The following RAPGEF6 variants were observed in gnomAD, a reference collection of about 807,000 sequenced individuals.
RAPGEF6 encodes the protein Rap guanine nucleotide exchange factor 6.
Under a neutral mutation model 171.4 loss-of-function variants are expected in RAPGEF6, and 56 were observed. That is an observed-to-expected ratio of 0.33 (90% CI 0.26 to 0.41). RAPGEF6 has a LOEUF of 0.41. Ranked by LOEUF, RAPGEF6 falls within the 10% of genes least tolerant of loss-of-function variation. The pLI is 1.00. For synonymous variants in RAPGEF6, 692 were observed against 650.1 expected, an observed-to-expected ratio of 1.06 and a Z score of -0.98; for missense variants, 1,674 against 1,921.4, an observed-to-expected ratio of 0.87 and a Z score of 2.41.
intron 5 of RAPGEF6, among the ~76,000 whole-genome samples, chr5:131,551,284 C>T (rs1481304441): frequency 3.3e-5 from 5 of 152,014 alleles, no homozygotes; most frequent in South Asian, 2.1e-4. Flanking sequence ...GAGGCTGAGG[C>T]GGGTGAATCA....
intron 15 of RAPGEF6, among the ~76,000 whole-genome samples, chr5:131,483,348 C>CAAAAAAA (rs10637299): frequency 8.9e-4 from 108 of 121,946 alleles, no homozygotes; most frequent in African/African-American, 3.2e-3. Flanking sequence ...GACTCTGTCT[C>CAAAAAAA]AAAAAAAAAA....
chr5:131,564,651 T>C (rs1327737269), intron 4 of RAPGEF6, among the ~76,000 whole-genome samples: 1 of 151,918 alleles, frequency 6.6e-6, no homozygotes, highest in Non-Finnish European at 1.5e-5. Flanking sequence ...CAGGAAAATA[T>C]AATCCATAAC....
At chr5:131,440,094 C>T (rs897654968) in intron 23 of RAPGEF6, 38 of 391,584 alleles carry the variant, frequency 9.7e-5, no homozygotes, top group South Asian at 2.3e-4. Context: ...CTCTCCAAGT[C>T]GGGGCGACGC....
intron 15 of RAPGEF6, among the ~76,000 whole-genome samples, chr5:131,483,935 C>T (rs1309128140): frequency 6.6e-6 from 1 of 151,516 alleles, no homozygotes; most frequent in African/African-American, 2.4e-5. Flanking sequence ...CCCGTCTCTA[C>T]TAAAGAATAC....
intron 21 of RAPGEF6, among the ~76,000 whole-genome samples, chr5:131,448,229 TAAAAG>T (rs974727897): frequency 4.6e-5 from 7 of 152,196 alleles, no homozygotes; most frequent in African/African-American, 1.7e-4. Flanking sequence ...CTAATGACTC[TAAAAG>T]AAAACGTTTC....
chr5:131,585,901 T>C (rs1274660101), intron 4 of RAPGEF6, among the ~76,000 whole-genome samples: 4 of 152,150 alleles, frequency 2.6e-5, no homozygotes, highest in African/African-American at 7.2e-5. Flanking sequence ...CTGTTTCAAG[T>C]AGTCCTGCCT....
chr5:131,586,459 T>C (rs945905754), intron 4 of RAPGEF6, among the ~76,000 whole-genome samples: 1 of 152,134 alleles, frequency 6.6e-6, no homozygotes, highest in Admixed American at 6.6e-5. Context: ...GGTGAAACCC[T>C]GTCTCTACTA....
At chr5:131,461,100 G>A (rs1462064059) in intron 19 of RAPGEF6, among the ~76,000 whole-genome samples, 6 of 152,056 alleles carry the variant, frequency 3.9e-5, no homozygotes, top group Non-Finnish European at 7.4e-5. Flanking sequence ...GTGGGAAGAA[G>A]GGAGTGGGAG....
At chr5:131,489,270 C>G (rs1412402500) in intron 15 of RAPGEF6, among the ~76,000 whole-genome samples, 1 of 152,152 alleles carries the variant, frequency 6.6e-6, no homozygotes, top group African/African-American at 2.4e-5. Context: ...CAGTATCCCT[C>G]CAGCAGAGTA....
intron 15 of RAPGEF6, among the ~76,000 whole-genome samples, chr5:131,485,461 G>A (rs181249277): frequency 6.6e-6 from 1 of 152,278 alleles, no homozygotes; most frequent in East Asian, 1.9e-4. Context: ...CCTAAAAGCA[G>A]TGTCACTTTT....
rs1420116126 is a variant in RAPGEF6, at chr5:131,455,932, T to A, written c.2945A>T (p.Asp982Val). 6.2e-7 allele frequency: 1 copy of A among 1,614,112 alleles called. No homozygotes were observed. The highest frequency in any genetic ancestry group is 1.1e-5 in the South Asian group (1 of 91,086). Reference protein sequence around the residue: ...LPSKYEKHLQDLQDIFDPSRN... With the variant: ...LPSKYEKHLQVLQDIFDPSRN... ...AGATGGATCAAAAATGTCTTGTAGA[T>A]CTTGAAGATGTTTCTCGTATTTGCT... is the stretch of plus-strand genomic sequence containing the variant. Residue 982 changes from aspartate to valine, a missense_variant, in exon 20 of 28, where the codon GAT (aspartate) becomes GTT (valine). Coordinates refer to ENST00000509018, the MANE Select transcript of RAPGEF6 (RefSeq NM_016340.6).
chr5:131,499,177 TAC>T (rs2149881652), intron 11 of RAPGEF6, among the ~76,000 whole-genome samples: 1 of 152,276 alleles, frequency 6.6e-6, no homozygotes, highest in Non-Finnish European at 1.5e-5. Flanking sequence ...GTTCCTCTCA[TAC>T]AGTTTCCTCT....
At chr5:131,613,388 C>T (rs987670998) in intron 1 of RAPGEF6, among the ~76,000 whole-genome samples, 1 of 151,868 alleles carries the variant, frequency 6.6e-6, no homozygotes, top group African/African-American at 2.4e-5. Context: ...CCAGCCTGGG[C>T]GACACAGCGA....
At chr5:131,522,411 A>G (rs1014588927) in intron 6 of RAPGEF6, among the ~76,000 whole-genome samples, 4 of 152,192 alleles carry the variant, frequency 2.6e-5, no homozygotes, top group Non-Finnish European at 5.9e-5. Context: ...ATCAAAATCA[A>G]TTTAATTTTT....
At chr5:131,521,577 G>T (rs1019283322) in intron 6 of RAPGEF6, 56 bp from the exon 7 acceptor site, 5 of 1,512,708 alleles carry the variant, frequency 3.3e-6, no homozygotes, top group Non-Finnish European at 3.5e-6. Flanking sequence ...CTTTTTAAGC[G>T]GTTTCGACAT....
At chr5:131,603,195 C>A in intron 3 of RAPGEF6, 76 bp downstream of exon 3, 2 of 1,081,954 alleles carry the variant, frequency 1.8e-6, no homozygotes, top group South Asian at 2.8e-5. Context: ...GTCCCAGAAT[C>A]AAATGAATTT....
chr5:131,443,801 C>T (rs1216794648), intron 22 of RAPGEF6, among the ~76,000 whole-genome samples: 2 of 152,164 alleles, frequency 1.3e-5, no homozygotes, highest in East Asian at 3.8e-4. Context: ...TTATTACATC[C>T]TTATGTGCCA....
intron 4 of RAPGEF6, among the ~76,000 whole-genome samples, chr5:131,579,334 T>A (rs990638922): frequency 1.3e-5 from 2 of 152,200 alleles, no homozygotes; most frequent in African/African-American, 4.8e-5. Context: ...GAACAAAGTT[T>A]CCACAGTGTG....
intron 22 of RAPGEF6, among the ~76,000 whole-genome samples, chr5:131,445,331 G>A (rs1752613298): frequency 6.6e-6 from 1 of 151,938 alleles, no homozygotes; most frequent in Non-Finnish European, 1.5e-5. Context: ...TCCACTTCCT[G>A]TTTTCTATTC....
Sources: allele counts gnomAD v4.1 joint callset (sites outside exome capture counted in the v4.1 genomes callset), GRCh38; gene constraint gnomAD v4.1.1; transcripts MANE v1.5; gene names NCBI Gene and HGNC (gene_info 2026-07-23, HGNC 2026-07-21).